The following KCNU1 variants were observed in gnomAD, a reference collection of about 807,000 sequenced individuals.
KCNU1 encodes potassium channel subfamily U member 1.
In KCNU1, 93 loss-of-function variants were observed where a neutral mutation model predicts 126.8. The ratio of observed to expected loss-of-function variants is 0.73; its 90% CI spans 0.62 to 0.87. KCNU1 has a LOEUF of 0.87. KCNU1 is among the 40% of genes least tolerant of loss of function. KCNU1 has a pLI of 0.00. For missense variants in KCNU1, 1,330 were observed against 1,367.1 expected (o/e 0.97, Z 0.43); for synonymous variants, 523 against 494.2 (o/e 1.06, Z -0.77).
At chr8:36,840,206 G>A (rs890585104) in intron 14 of KCNU1, among the ~76,000 whole-genome samples, 18 of 152,200 alleles carry the variant, frequency 1.2e-4, no homozygotes, top group Non-Finnish European at 1.8e-4. Context: ...TGCCAGCAAG[G>A]AAACTTGAAC....
At chr8:36,784,694 C>A in intron 1 of KCNU1, 89 bp downstream of exon 1, 3 of 1,057,518 alleles carry the variant, frequency 2.8e-6, no homozygotes, top group Non-Finnish European at 2.7e-6. Context: ...AAGCTTCATT[C>A]AGTTTTTCAA....
At chr8:36,931,767 G>T (rs1037760207) in intron 25 of KCNU1, among the ~76,000 whole-genome samples, 1 of 152,056 alleles carries the variant, frequency 6.6e-6, no homozygotes, top group African/African-American at 2.4e-5. Flanking sequence ...ACTTCTGTAC[G>T]TGGGTCTAAG....
chr8:36,935,980 C>A lies in KCNU1; in HGVS notation c.*60C>A. 3 of 1,402,248 alleles carry A rather than the reference C, an allele frequency of 2.1e-6. No homozygotes were observed. The highest frequency in any genetic ancestry group is 2.9e-6 in the Non-Finnish European group (3 of 1,036,232). 86.9% of individuals were successfully genotyped at this position (1,402,248 alleles called of 1,614,324 possible). ...TGCTTACAAATCATCTCCTGAGATG[C>A]TAACTTTGAACAAAGAAAATAAGAA... On this transcript the variant is annotated 3_prime_UTR_variant, in exon 27 of 27. Transcript: ENST00000399881.
intron 2 of KCNU1, among the ~76,000 whole-genome samples, chr8:36,792,045 G>A (rs1038789196): frequency 1.3e-5 from 2 of 152,114 alleles, no homozygotes; most frequent in Non-Finnish European, 2.9e-5. Context: ...ATTTTTTGCA[G>A]ATGATTACCT....
At chr8:36,836,741 T>G (rs1585436416) in intron 13 of KCNU1, 52 bp from the exon 14 acceptor site, 1 of 1,528,742 alleles carries the variant, frequency 6.5e-7, no homozygotes, top group African/African-American at 1.4e-5. Flanking sequence ...TCAAGAGCTT[T>G]CTTGAGGTGT....
At chr8:36,917,218 A>AT (rs1808146288) in intron 22 of KCNU1, among the ~76,000 whole-genome samples, 1 of 152,098 alleles carries the variant, frequency 6.6e-6, no homozygotes, top group Admixed American at 6.6e-5. Flanking sequence ...GGTTTACAAT[A>AT]TTTTTTTCCT....
chr8:36,786,862 GA>G (rs1311700097), intron 1 of KCNU1, among the ~76,000 whole-genome samples: 1 of 152,132 alleles, frequency 6.6e-6, no homozygotes, highest in Non-Finnish European at 1.5e-5. Flanking sequence ...CAAAATTGCT[GA>G]AAACTTCCCC....
At chr8:36,920,582 A>T (rs754431760) in intron 23 of KCNU1, among the ~76,000 whole-genome samples, 96 of 152,206 alleles carry the variant, frequency 6.3e-4, no homozygotes, top group Non-Finnish European at 9.6e-4. Flanking sequence ...GGTCATGTTG[A>T]TGTGGGAGTT....
At chr8:36,880,181 CT>C (rs1563312056) in intron 19 of KCNU1, among the ~76,000 whole-genome samples, 1 of 152,114 alleles carries the variant, frequency 6.6e-6, no homozygotes. Flanking sequence ...TTATTAGCTT[CT>C]TTTAAACATG....
At chr8:36,914,347 TC>T (rs1343675299) in intron 22 of KCNU1, among the ~76,000 whole-genome samples, 5 of 152,198 alleles carry the variant, frequency 3.3e-5, no homozygotes, top group Non-Finnish European at 7.4e-5. Flanking sequence ...GGGAATGCTA[TC>T]ACCACTAGTG....
At chr8:36,832,936 A>G (rs1190109170) in intron 10 of KCNU1, among the ~76,000 whole-genome samples, 2 of 151,912 alleles carry the variant, frequency 1.3e-5, no homozygotes, top group African/African-American at 4.8e-5. Flanking sequence ...TTAGCACTCT[A>G]TTTTTTTATT....
At chr8:36,833,128 A>G (rs1804615559) in intron 10 of KCNU1, among the ~76,000 whole-genome samples, 1 of 152,116 alleles carries the variant, frequency 6.6e-6, no homozygotes, top group African/African-American at 2.4e-5. Context: ...TAGTTCCTCT[A>G]AATGTTCTTT....
Position 36,922,365 on chromosome 8 carries a change from A to G in KCNU1, c.2597-125A>G, listed in dbSNP as rs1808383421. The G allele has an allele frequency of 3.9e-6, 4 of 1,019,054 alleles. No homozygotes were observed. The South Asian group carries it at 6.8e-5, about 17-fold the overall frequency. 63.1% of individuals were successfully genotyped at this position (1,019,054 alleles called of 1,614,324 possible). Reference sequence around the variant, plus strand: ...ATGTACTGAAAAAGGGGTTGATCCCACAGAGACCCCAAAGTAGACATCAGA... The same window carrying G: ...ATGTACTGAAAAAGGGGTTGATCCCGCAGAGACCCCAAAGTAGACATCAGA... On this transcript the variant is annotated intron_variant, in intron 23 of 26. Coordinates refer to ENST00000399881, the MANE Select transcript of KCNU1 (RefSeq NM_001031836.3).
At chr8:36,842,252 T>C (rs1371703244) in intron 16 of KCNU1, among the ~76,000 whole-genome samples, 2 of 152,212 alleles carry the variant, frequency 1.3e-5, no homozygotes. Context: ...ACATTCAAAA[T>C]GCAATAATTT....
At chr8:36,914,375 G>C (rs981756585) in intron 22 of KCNU1, among the ~76,000 whole-genome samples, 9 of 152,204 alleles carry the variant, frequency 5.9e-5, no homozygotes, top group Admixed American at 2.0e-4. Flanking sequence ...AGTCAAAGAT[G>C]CTGCTAAACG....
chr8:36,871,410 T>TAG (rs141894674), intron 19 of KCNU1, among the ~76,000 whole-genome samples: 30,020 of 147,850 alleles, frequency 0.2, 3,558 homozygotes, highest in Admixed American at 0.33. Context: ...TATATATACA[T>TAG]AGAGAGAGAG....
At chr8:36,793,871 T>C (rs972452670) in intron 2 of KCNU1, among the ~76,000 whole-genome samples, 5 of 151,904 alleles carry the variant, frequency 3.3e-5, no homozygotes, top group African/African-American at 1.2e-4. Flanking sequence ...CTGACCAACA[T>C]GGTGAAACCC....
chr8:36,899,753 A>T (rs1284781020), intron 19 of KCNU1, among the ~76,000 whole-genome samples: 1 of 152,082 alleles, frequency 6.6e-6, no homozygotes, highest in African/African-American at 2.4e-5. Flanking sequence ...TTCAATAAAC[A>T]CAGAGGTGTA....
At chr8:36,796,265 C>A (rs1182832236) in intron 2 of KCNU1, among the ~76,000 whole-genome samples, 2 of 152,062 alleles carry the variant, frequency 1.3e-5, no homozygotes, top group Non-Finnish European at 2.9e-5. Context: ...AATGTCAAAG[C>A]TTTTATGATT....
Sources: gnomAD v4.1 joint callset for allele counts (sites outside exome capture counted in the v4.1 genomes callset) on GRCh38, gnomAD v4.1.1 for gene constraint, MANE v1.5 for transcripts, NCBI Gene and HGNC (gene_info 2026-07-23, HGNC 2026-07-21) for gene names.